Variants in PSMB10 observed in about 807,000 individuals in gnomAD.
PSMB10 encodes the protein proteasome subunit beta type-10.
PSMB10 carries 29 observed loss-of-function variants against 29.8 expected under a neutral mutation model. The ratio of observed to expected loss-of-function variants is 0.97; its 90% CI spans 0.73 to 1.33. The LOEUF is 1.33. Ranked by LOEUF, PSMB10 falls within the 40% of genes most tolerant of loss-of-function variation. The probability of loss-of-function intolerance (pLI) is 0.00; values close to 1 mark genes in which losing one functional copy is unlikely to be tolerated. For missense variants in PSMB10, 327 were observed against 369.2 expected, an observed-to-expected ratio of 0.89 and a Z score of 0.94; for synonymous variants, 157 against 164.7, an observed-to-expected ratio of 0.95 and a Z score of 0.36.
At position 67,936,331 on chromosome 16, in the gene PSMB10, C is replaced by G. The variant is rs1356816159; in HGVS notation, c.145-19G>C. 11 of 1,611,718 alleles carry G rather than the reference C, an allele frequency of 6.8e-6. No homozygotes were observed. The highest frequency in any genetic ancestry group is 1.7e-4 in the Middle Eastern group (1 of 6,054). On this transcript the variant is annotated intron_variant, in intron 2 of 7. Coordinates refer to ENST00000358514, the MANE Select transcript of PSMB10 (RefSeq NM_002801.4). ...CCCCGTCCTGAGGAGAGGGAGGGAC[C>G]GCAGCTTCAGTGCCTGCTCGATACT... is the stretch of plus-strand genomic sequence containing the variant.
chr16:67,935,010 T>C (rs2058257433), intron 6 of PSMB10, 62 bp from the exon 7 acceptor site: 2 of 1,572,102 alleles, frequency 1.3e-6, no homozygotes, highest in Admixed American at 3.4e-5. Context: ...GGCTACAGCC[T>C]GGGGACTTGC....
intron 1 of PSMB10, 30 bp from the exon 2 acceptor site, chr16:67,936,515 G>A (rs200404106): frequency 3.4e-5 from 54 of 1,590,306 alleles, no homozygotes; most frequent in Non-Finnish European, 1.7e-6. Flanking sequence ...CCCATGTTTC[G>A]GCTCTGCTTT....
At chr16:67,935,213 C>T in intron 6 of PSMB10, 1 of 722,568 alleles carries the variant, frequency 1.4e-6, no homozygotes, top group Non-Finnish European at 2.2e-6. Context: ...CCTCTGTGAG[C>T]TTCGACTTCT....
In PSMB10 at chr16:67,936,309, C is replaced by G. The variant is rs1383876922; in HGVS notation, c.148G>C (p.Gly50Arg). The change falls in exon 3 of 8, where the codon GGG (glycine) becomes CGG (arginine). Residue 50 changes from glycine (G) to arginine (R), a missense_variant. Transcript: ENST00000358514. ...CGCGTATCGGCGCCCAGAATGACCC[C>G]GTCCTGAGGAGAGGGAGGGACCGCA... ...TTIAGLVFQDGVILGADTRAT... is the reference protein window; with the variant it reads ...TTIAGLVFQDRVILGADTRAT... 2.5e-6 allele frequency: 4 copies of G among 1,613,008 alleles called. No individual in the cohort carries two copies. The highest frequency in any genetic ancestry group is 2.2e-5 in the East Asian group (1 of 44,866).
At chr16:67,935,753 A>T in intron 4 of PSMB10, 56 bp from the exon 5 acceptor site, 1 of 1,571,188 alleles carries the variant, frequency 6.4e-7, no homozygotes, top group Non-Finnish European at 8.7e-7. Flanking sequence ...CCACCTCTCT[A>T]TGCCCAGCTC....
In PSMB10 at chr16:67,934,693, C is replaced by T. The variant is rs762410955; in HGVS notation, c.711-22G>A. 11 of 1,613,610 alleles carry T rather than the reference C, an allele frequency of 6.8e-6. No individual in the cohort carries two copies. The highest frequency in any genetic ancestry group is 2.2e-5 in the East Asian group (1 of 44,876). On this transcript the variant is annotated intron_variant, in intron 7 of 7. Coordinates refer to ENST00000358514, the MANE Select transcript of PSMB10 (RefSeq NM_002801.4). This position sits in a 1 kb window ranked among gnomAD's most constrained non-coding sequence, Gnocchi z 4.3. The stretch of plus-strand genomic sequence containing the variant: ...AGACCTGGGAGGGAGGAGGGACAGC[C>T]TCTGAACATGGGCCTGTCATGTGGC...
chr16:67,936,482 AT>A lies in PSMB10; in HGVS notation c.59del (p.Asn20MetfsTer68). ...CCGGGAGGACGCGTTCCAATGATGC[AT>A]TTCTGGAAACGGAGGAGGGCGCCCA... ...GGFSFENCQRNASLERVLPGL... is the reference protein window; with the variant it reads ...GGFSFENCQRXASLERVLPGL... On this transcript the variant is annotated frameshift_variant and splice_region_variant, in exon 2 of 8. Transcript: ENST00000358514. LOFTEE classifies it high-confidence loss of function. 1 of 1,612,702 alleles carries A rather than the reference AT, an allele frequency of 6.2e-7. No homozygotes were observed. Among genetic ancestry groups the A allele is most frequent in the South Asian group, 1.1e-5 (1 of 90,926 alleles).
Position 67,934,556 on chromosome 16 carries a change from C to T in PSMB10, c.*4G>A. 3 of 1,612,466 alleles carry T rather than the reference C, an allele frequency of 1.9e-6. No homozygotes were observed. Among genetic ancestry groups the T allele is most frequent in the Non-Finnish European group, 2.5e-6 (3 of 1,178,460 alleles). On this transcript the variant is annotated 3_prime_UTR_variant, in exon 8 of 8. Transcript: ENST00000358514. This position sits in a 1 kb window ranked among gnomAD's most constrained non-coding sequence, Gnocchi z 4.3. ...CCCCCTTGTTCCAAGCTCTAAGCCTCAGCTTACTCCACCTCCATAGCCTGC... is the reference window on the plus strand; with the variant it reads ...CCCCCTTGTTCCAAGCTCTAAGCCTTAGCTTACTCCACCTCCATAGCCTGC...
At chr16:67,935,156 A>T in intron 6 of PSMB10, 1 of 721,396 alleles carries the variant, frequency 1.4e-6, no homozygotes, top group Non-Finnish European at 2.2e-6. Flanking sequence ...ACGTTGATAT[A>T]AGTAGGACCC....
chr16:67,935,904 C>G, intron 4 of PSMB10, 59 bp downstream of exon 4: 1 of 1,572,658 alleles, frequency 6.4e-7, no homozygotes, highest in Non-Finnish European at 8.7e-7. Flanking sequence ...GTCCCGCCTT[C>G]CAATGGCCCC....
chr16:67,936,019 C>A lies in PSMB10; in HGVS notation c.327G>T (p.Thr109=), dbSNP rs765823898. 5 of 1,612,490 alleles carry A rather than the reference C, an allele frequency of 3.1e-6. No individual in the cohort carries two copies. The East Asian group carries it at 1.1e-4, about 36-fold the overall frequency. ...CCGTGGCCACGCGGGGCTCGCGGCC[C>A]GTAGATAACGCGTGTAGCTCCATCT... ...ASKMELHALS[T]GREPRVATVT... Residue 109 remains threonine (T), a synonymous_variant, in exon 4 of 8, where the codon ACG becomes ACT. Transcript: ENST00000358514.
Position 67,936,801 on chromosome 16 carries a change from C to G in PSMB10, c.-52G>C. On this transcript the variant is annotated 5_prime_UTR_variant, in exon 1 of 8. Coordinates refer to ENST00000358514, the MANE Select transcript of PSMB10 (RefSeq NM_002801.4). ...GTCGCGGGCGGATGAGTCGGCCAGA[C>G]AAGCGGGGCCAGTGAGCAGCTAAAA... The G allele has an allele frequency of 6.8e-7, 1 of 1,473,628 alleles. No homozygotes were observed. The highest frequency in any genetic ancestry group is 9.2e-7 in the Non-Finnish European group (1 of 1,081,972). The allele number at this position is 1,473,628 out of a possible 1,614,324, so 91.3% of individuals were successfully genotyped here. A position where few individuals can be genotyped will look rare whatever the true frequency, so the allele number is the denominator to read the frequency against.
chr16:67,936,328 G>T lies in PSMB10; in HGVS notation c.145-16C>A. ...TGACCCCGTCCTGAGGAGAGGGAGG[G>T]ACCGCAGCTTCAGTGCCTGCTCGAT... On this transcript the variant is annotated splice_polypyrimidine_tract_variant and intron_variant, in intron 2 of 7. Coordinates refer to ENST00000358514, the MANE Select transcript of PSMB10 (RefSeq NM_002801.4). 1 of 1,611,830 alleles carries T rather than the reference G, an allele frequency of 6.2e-7. No individual in the cohort carries two copies. Among genetic ancestry groups the T allele is most frequent in the Non-Finnish European group, 8.5e-7 (1 of 1,178,488 alleles).
chr16:67,936,714 G>T lies in PSMB10; in HGVS notation c.36C>A (p.Phe12Leu), dbSNP rs2151318730. 1.3e-6 allele frequency: 2 copies of T among 1,557,014 alleles called. No individual in the cohort carries two copies. Among genetic ancestry groups the T allele is most frequent in the South Asian group, 2.4e-5 (2 of 84,790 alleles). ...LKPALEPRGGFSFENCQRNAS... is the reference protein window; with the variant it reads ...LKPALEPRGGLSFENCQRNAS... ...TTCACCTTTGGCAGTTCTCGAAGGAGAAGCCCCCTCGGGGCTCCAGGGCTG... is the reference window on the plus strand; with the variant it reads ...TTCACCTTTGGCAGTTCTCGAAGGATAAGCCCCCTCGGGGCTCCAGGGCTG... Residue 12 changes from phenylalanine (F) to leucine (L), a missense_variant, in exon 1 of 8, where the codon TTC becomes TTA. Physicochemically the swap from Phe to Leu is conservative, Grantham distance 22. Transcript: ENST00000358514.
At position 67,936,035 on chromosome 16, in the gene PSMB10, A is replaced by G; in HGVS notation, c.311T>C (p.Leu104Pro). The G allele has an allele frequency of 6.2e-7, 1 of 1,612,962 alleles. No homozygotes were observed. Among genetic ancestry groups the G allele is most frequent in the Non-Finnish European group, 8.5e-7 (1 of 1,179,528 alleles). ...CTCGCGGCCCGTAGATAACGCGTGT[A>G]GCTCCATCTTGGACGCCACCATCCG... ...TTRMVASKME[L>P]HALSTGREPR... Residue 104 changes from leucine (L) to proline (P), a missense_variant, in exon 4 of 8, where the codon CTA becomes CCA. Leu to Pro is a moderately conservative substitution (Grantham distance 98). Transcript: ENST00000358514.
In PSMB10 at chr16:67,935,439, C is replaced by G; in HGVS notation, c.539G>C (p.Arg180Pro). The change falls in exon 6 of 8, where the codon CGG (arginine) becomes CCG (proline). Residue 180 changes from arginine to proline, a missense_variant. By Grantham distance (103) the Arg-to-Pro change is moderately radical. Transcript: ENST00000358514. ...QDAALAVLED[R>P]FQPNMTLEAA... ...GCTCACCGTCATGTTCGGCTGGAACCGGTCTTCTAGCACCGCCAGGGCCGC... is the reference window on the plus strand; with the variant it reads ...GCTCACCGTCATGTTCGGCTGGAACGGGTCTTCTAGCACCGCCAGGGCCGC... 1 of 1,614,090 alleles carries G rather than the reference C, an allele frequency of 6.2e-7. No homozygotes were observed. The highest frequency in any genetic ancestry group is 8.5e-7 in the Non-Finnish European group (1 of 1,180,036).
Position 67,934,986 on chromosome 16 carries a change from C to G in PSMB10, c.559-38G>C. On this transcript the variant is annotated intron_variant, in intron 6 of 7. Transcript: ENST00000358514. The surrounding 1 kb of genome is among the most constrained non-coding windows in gnomAD (Gnocchi z 4.3). ...GTGTGTGAGACCTAACGGGCTCTCT[C>G]TGCTGTTAACTTAGGCTACAGCCTG... is the stretch of plus-strand genomic sequence containing the variant. 1 of 1,596,486 alleles carries G rather than the reference C, an allele frequency of 6.3e-7. No homozygotes were observed. The highest frequency in any genetic ancestry group is 1.1e-5 in the South Asian group (1 of 90,476).
chr16:67,935,485 G>GT lies in PSMB10; in HGVS notation c.500-8_500-7insA, dbSNP rs1447796566. On this transcript the variant is annotated splice_region_variant and splice_polypyrimidine_tract_variant and intron_variant, in intron 5 of 7. Coordinates refer to ENST00000358514, the MANE Select transcript of PSMB10 (RefSeq NM_002801.4). ...GCCGCGTCCTGACCAGAGCCTGAAG[G>GT]CAGGAGAAGCATCTGAAGTCAACCG... The GT allele has an allele frequency of 6.2e-7, 1 of 1,614,060 alleles. No individual in the cohort carries two copies.
chr16:67,935,949 C>T lies in PSMB10; in HGVS notation c.383+14G>A, dbSNP rs2151318434. 6.2e-7 allele frequency: 1 copy of T among 1,604,266 alleles called. No homozygotes were observed. The highest frequency in any genetic ancestry group is 8.5e-7 in the Non-Finnish European group (1 of 1,173,560). ...ACTACCCCTGCCGGGGTCCTGTTAG[C>T]CCTGCCCCCGCACCTGAAGAGCGTC... On this transcript the variant is annotated intron_variant, in intron 4 of 7. Transcript: ENST00000358514.
Sources: allele counts gnomAD v4.1 joint callset, GRCh38; gene constraint gnomAD v4.1.1; non-coding constraint Gnocchi (gnomAD v3.1); transcripts MANE v1.5; gene names NCBI Gene and HGNC (gene_info 2026-07-23, HGNC 2026-07-21).